The following CAST variants were observed in gnomAD, a reference collection of about 807,000 sequenced individuals.
CAST encodes the protein calpastatin.
CAST carries 76 observed loss-of-function variants against 119.6 expected under a neutral mutation model. The ratio of observed to expected loss-of-function variants is 0.64; its 90% CI spans 0.53 to 0.77. The LOEUF (loss-of-function observed/expected upper bound fraction) is 0.77, where lower values mean the gene tolerates loss of function less well. CAST is among the 30% of genes least tolerant of loss of function. The probability of loss-of-function intolerance (pLI) is 0.00; values close to 1 mark genes in which losing one functional copy is unlikely to be tolerated. For missense variants in CAST, 953 were observed against 946.5 expected (o/e 1.01, Z -0.09); for synonymous variants, 319 against 331.6 (o/e 0.96, Z 0.41).
intron 1 of CAST, among the ~76,000 whole-genome samples, chr5:96,621,803 C>A (rs1747611920): frequency 6.6e-6 from 1 of 152,080 alleles, no homozygotes; most frequent in Non-Finnish European, 1.5e-5. Context: ...CTCCTTCTAT[C>A]TTACTGTTGA....
the CAST span, chr5:96,432,282 C>T: frequency 2.9e-6 from 2 of 682,194 alleles, no homozygotes. Context: ...GCTTCCCAGG[C>T]TACTCCGCGG....
chr5:96,649,644 A>G (rs1464441274), intron 1 of CAST, among the ~76,000 whole-genome samples: 1 of 152,228 alleles, frequency 6.6e-6, no homozygotes, highest in African/African-American at 2.4e-5. Flanking sequence ...ACTGGATTCT[A>G]GTTTTCCACC....
At chr5:96,333,445 TGTGAGTGAA>T in the CAST span, among the ~76,000 whole-genome samples, 1 of 152,166 alleles carries the variant, frequency 6.6e-6, no homozygotes, top group Non-Finnish European at 1.5e-5. Flanking sequence ...TTTCCTCCTG[TGTGAGTGAA>T]GTGAATGGAA....
the CAST span, chr5:96,429,159 A>G: frequency 8.4e-5 from 78 of 925,374 alleles, no homozygotes; most frequent in African/African-American, 1.2e-3. Context: ...TAGAAATCAT[A>G]AAGAAAGCAG....
In CAST at chr5:96,757,573, G is replaced by T; in HGVS notation, c.1762-10G>T. Reference sequence around the variant, plus strand: ...ATGGTGTTTGTTGATACATTTCCTGGTTCTTGCAGCCCATGAGTGAAGACT... The same window carrying T: ...ATGGTGTTTGTTGATACATTTCCTGTTTCTTGCAGCCCATGAGTGAAGACT... On this transcript the variant is annotated splice_polypyrimidine_tract_variant and intron_variant, in intron 23 of 31. Transcript: ENST00000675179. 1.2e-6 allele frequency: 2 copies of T among 1,613,430 alleles called. No individual in the cohort carries two copies.
chr5:96,306,698 T>C, the CAST span, among the ~76,000 whole-genome samples: 1 of 152,112 alleles, frequency 6.6e-6, no homozygotes, highest in Non-Finnish European at 1.5e-5. Context: ...GACTTAATTT[T>C]ATTATTTACA....
chr5:96,439,420 T>C, the CAST span, among the ~76,000 whole-genome samples: 1 of 152,136 alleles, frequency 6.6e-6, no homozygotes, highest in Non-Finnish European at 1.5e-5. Context: ...AGCCAAGAAC[T>C]AACCCTTTCT....
chr5:96,073,260 G>T, the CAST span, among the ~76,000 whole-genome samples: 2 of 152,176 alleles, frequency 1.3e-5, no homozygotes, highest in South Asian at 4.1e-4. Context: ...AGCCGTGGTG[G>T]CATGTTTAAG....
chr5:96,671,825 C>T (rs1330498215), intron 1 of CAST, among the ~76,000 whole-genome samples: 3 of 152,228 alleles, frequency 2.0e-5, no homozygotes, highest in African/African-American at 4.8e-5. Flanking sequence ...TTTAGAAAGA[C>T]GCCTGCAGAT....
intron 1 of CAST, among the ~76,000 whole-genome samples, chr5:96,561,823 C>T (rs1353769536): frequency 1.4e-4 from 8 of 57,502 alleles, no homozygotes; most frequent in Non-Finnish European, 2.3e-4. Context: ...GACGGAGTCT[C>T]GCTCTGTCGC....
At chr5:96,306,900 G>A in the CAST span, among the ~76,000 whole-genome samples, 2 of 152,204 alleles carry the variant, frequency 1.3e-5, no homozygotes, top group African/African-American at 4.8e-5. Flanking sequence ...TCAGTGCAAT[G>A]TGGTGCTGAG....
intron 3 of CAST, among the ~76,000 whole-genome samples, chr5:96,713,731 C>T (rs1028134909): frequency 2.6e-5 from 4 of 151,884 alleles, no homozygotes; most frequent in African/African-American, 7.3e-5. Context: ...CCCAGCACTT[C>T]GGGGAGGCTG....
At chr5:96,161,410 A>G in the CAST span, among the ~76,000 whole-genome samples, 179 of 152,240 alleles carry the variant, frequency 1.2e-3, 1 homozygote, top group East Asian at 0.029. Context: ...TTATTAAATG[A>G]TCTTGGCACC....
chr5:96,620,186 C>T (rs1747573902), intron 1 of CAST, among the ~76,000 whole-genome samples: 1 of 152,122 alleles, frequency 6.6e-6, no homozygotes, highest in Non-Finnish European at 1.5e-5. Context: ...CCTCTAGAGC[C>T]TGTAGGGCGA....
chr5:96,440,283 C>G, the CAST span, among the ~76,000 whole-genome samples: 1 of 151,688 alleles, frequency 6.6e-6, no homozygotes, highest in African/African-American at 2.4e-5. Flanking sequence ...CTGCCTTATT[C>G]CACTCAGTTA....
At chr5:96,036,745 A>G in the CAST span, among the ~76,000 whole-genome samples, 6 of 152,166 alleles carry the variant, frequency 3.9e-5, no homozygotes, top group Non-Finnish European at 8.8e-5. Flanking sequence ...GATCTTAACT[A>G]TTTTGAAATA....
intron 1 of CAST, among the ~76,000 whole-genome samples, chr5:96,655,010 A>G (rs1446451792): frequency 6.6e-6 from 1 of 152,232 alleles, no homozygotes; most frequent in East Asian, 1.9e-4. Context: ...TAATTTCTTG[A>G]TGTATAGCTC....
the CAST span, among the ~76,000 whole-genome samples, chr5:96,048,161 A>T: frequency 2.0e-5 from 3 of 152,230 alleles, no homozygotes; most frequent in South Asian, 4.1e-4. Flanking sequence ...AAAAGTGAAG[A>T]CACTGAAGAG....
At chr5:96,426,783 T>G in the CAST span, among the ~76,000 whole-genome samples, 1 of 152,200 alleles carries the variant, frequency 6.6e-6, no homozygotes, top group African/African-American at 2.4e-5. Flanking sequence ...ATTGTTAATG[T>G]GAGAGTACTC....
Sources: allele counts gnomAD v4.1 joint callset (sites outside exome capture counted in the v4.1 genomes callset), GRCh38; gene constraint gnomAD v4.1.1; transcripts MANE v1.5; gene names NCBI Gene and HGNC (gene_info 2026-07-23, HGNC 2026-07-21).